The following PLXNA4 variants were observed in gnomAD, a reference collection of about 807,000 sequenced individuals.
PLXNA4 encodes plexin-A4.
Under a neutral mutation model 191.8 loss-of-function variants are expected in PLXNA4, and 44 were observed. That is an observed-to-expected ratio of 0.23 (90% CI 0.18 to 0.29). PLXNA4 has a LOEUF of 0.29. Ranked by LOEUF, PLXNA4 falls within the 10% of genes least tolerant of loss-of-function variation. PLXNA4 has a pLI of 1.00. For synonymous variants in PLXNA4, 1,082 were observed against 1,009.5 expected, an observed-to-expected ratio of 1.07 and a Z score of -1.36; for missense variants, 1,800 against 2,488.8, an observed-to-expected ratio of 0.72 and a Z score of 5.89.
intron 3 of PLXNA4, among the ~76,000 whole-genome samples, chr7:132,343,994 T>C (rs781430525): frequency 1.1e-4 from 16 of 152,138 alleles, no homozygotes; most frequent in South Asian, 2.1e-4. Flanking sequence ...AGCAAACACT[T>C]AGTTTAGACA....
In PLXNA4 at chr7:132,203,693, T is replaced by C. The variant is rs1170629528; in HGVS notation, c.2299-274A>G. ...TGTGGATGCCAGCTCAAGGAGCAGATGGGAGCAAGCCACTAGGTCATCTCC... is the reference window on the plus strand; with the variant it reads ...TGTGGATGCCAGCTCAAGGAGCAGACGGGAGCAAGCCACTAGGTCATCTCC... On this transcript the variant is annotated intron_variant, in intron 10 of 31. Coordinates refer to ENST00000321063, the MANE Select transcript of PLXNA4 (RefSeq NM_020911.2). 2.0e-5 allele frequency among the ~76,000 whole-genome samples: 3 copies of C among 152,292 alleles called. No homozygotes were observed. The East Asian group carries it at 5.8e-4, about 29-fold the overall frequency.
intron 3 of PLXNA4, among the ~76,000 whole-genome samples, chr7:132,481,184 C>T (rs1017565204): frequency 6.6e-6 from 1 of 152,008 alleles, no homozygotes; most frequent in African/African-American, 2.4e-5. Flanking sequence ...TAATCCATCC[C>T]AGGAAGATGG....
chr7:132,519,764 C>T (rs1278782551), intron 1 of PLXNA4, among the ~76,000 whole-genome samples: 2 of 152,196 alleles, frequency 1.3e-5, no homozygotes, highest in African/African-American at 4.8e-5. Context: ...GCCAGTGTCA[C>T]CCATAAAAGC....
intron 30 of PLXNA4, among the ~76,000 whole-genome samples, chr7:132,133,877 A>T (rs1219275471): frequency 1.3e-5 from 2 of 152,178 alleles, no homozygotes; most frequent in East Asian, 3.9e-4. Flanking sequence ...AAAGACAGCC[A>T]CTTCTCACCC....
intron 3 of PLXNA4, among the ~76,000 whole-genome samples, chr7:132,300,794 C>T (rs1483757905): frequency 2.0e-5 from 3 of 152,252 alleles, no homozygotes; most frequent in Non-Finnish European, 4.4e-5. Flanking sequence ...GGCTGGTCTC[C>T]AGCCCCCTCA....
chr7:132,509,160 AGAGGGAGGGAGGGAGG>A (rs530262352), intron 1 of PLXNA4, among the ~76,000 whole-genome samples: 1 of 124,194 alleles, frequency 8.1e-6, no homozygotes, highest in Non-Finnish European at 1.7e-5. Context: ...CTGGAGGAGA[AGAGGGAGGGAGGGAGG>A]GAGGGAGGGA....
At chr7:132,471,070 G>T (rs761509773) in intron 3 of PLXNA4, among the ~76,000 whole-genome samples, 1 of 152,148 alleles carries the variant, frequency 6.6e-6, no homozygotes, top group African/African-American at 2.4e-5. Flanking sequence ...AGTACCATCC[G>T]CTTGGTGCGG....
intron 3 of PLXNA4, among the ~76,000 whole-genome samples, chr7:132,440,981 T>A (rs1795678318): frequency 6.6e-6 from 1 of 152,226 alleles, no homozygotes; most frequent in Admixed American, 6.5e-5. Context: ...TATTTTCACA[T>A]TTTATTTGCT....
Position 132,508,882 on chromosome 7 carries a change from C to A in PLXNA4, c.-86-103G>T, listed in dbSNP as rs1798595732. The A allele has an allele frequency of 8.6e-6, 10 of 1,166,734 alleles. No individual in the cohort carries two copies. Among genetic ancestry groups the A allele is most frequent in the Middle Eastern group, 3.0e-4 (1 of 3,384 alleles). 72.3% of individuals were successfully genotyped at this position (1,166,734 alleles called of 1,614,324 possible). A position where few individuals can be genotyped will look rare whatever the true frequency, so the allele number is the denominator to read the frequency against. The stretch of plus-strand genomic sequence containing the variant: ...TTCAAAATGTTCTGCACACACTGAG[C>A]AGAACTGCACTGGGGGGTGCTGGAG... On this transcript the variant is annotated intron_variant, in intron 1 of 31. Transcript: ENST00000321063. This position sits in a 1 kb window ranked among gnomAD's most constrained non-coding sequence, Gnocchi z 4.4.
chr7:132,437,527 G>A (rs1264484340), intron 3 of PLXNA4, among the ~76,000 whole-genome samples: 1 of 150,402 alleles, frequency 6.6e-6, no homozygotes, highest in Non-Finnish European at 1.5e-5. Context: ...TGTGAAGCTC[G>A]GGATCACAAA....
intron 29 of PLXNA4, among the ~76,000 whole-genome samples, chr7:132,143,878 C>A (rs918338261): frequency 6.6e-6 from 1 of 152,212 alleles, no homozygotes; most frequent in African/African-American, 2.4e-5. Context: ...TGGGAGCAAA[C>A]CCCATGCTTT....
chr7:132,163,537 G>C (rs1217854109), intron 24 of PLXNA4, among the ~76,000 whole-genome samples: 1 of 152,236 alleles, frequency 6.6e-6, no homozygotes, highest in African/African-American at 2.4e-5. Flanking sequence ...GATCCCAAAG[G>C]CCATGCTCTT....
At chr7:132,475,170 T>C (rs1315668075) in intron 3 of PLXNA4, among the ~76,000 whole-genome samples, 3 of 152,070 alleles carry the variant, frequency 2.0e-5, no homozygotes. Context: ...GGCATGAAGA[T>C]TGCAGGAGTC....
At chr7:132,433,923 G>C (rs998607853) in intron 3 of PLXNA4, among the ~76,000 whole-genome samples, 1 of 152,170 alleles carries the variant, frequency 6.6e-6, no homozygotes, top group Non-Finnish European at 1.5e-5. Context: ...ACCAGGCTAA[G>C]GATTCACAGA....
chr7:132,359,686 T>C (rs539106035), intron 3 of PLXNA4, among the ~76,000 whole-genome samples: 5 of 152,338 alleles, frequency 3.3e-5, no homozygotes, highest in Admixed American at 2.0e-4. Flanking sequence ...CACATCTCAA[T>C]GTTCCTAAGT....
upstream of PLXNA4, among the ~76,000 whole-genome samples, chr7:132,578,751 C>T (rs1802344800): frequency 2.0e-5 from 3 of 152,202 alleles, no homozygotes; most frequent in Non-Finnish European, 2.9e-5. Context: ...TTCCAGGAGA[C>T]AGCGTGGAGC....
intron 3 of PLXNA4, among the ~76,000 whole-genome samples, chr7:132,437,426 G>A (rs903960227): frequency 6.6e-6 from 1 of 152,142 alleles, no homozygotes; most frequent in Non-Finnish European, 1.5e-5. Context: ...GCAAGCACGT[G>A]CACAGACACA....
intron 1 of PLXNA4, among the ~76,000 whole-genome samples, chr7:132,518,841 C>G (rs573040751): frequency 1.3e-5 from 2 of 152,174 alleles, no homozygotes; most frequent in South Asian, 4.1e-4. Flanking sequence ...GCCCTCCTTC[C>G]TTTCCCTCCC....
intron 3 of PLXNA4, among the ~76,000 whole-genome samples, chr7:132,324,094 A>G (rs1802274805): frequency 6.6e-6 from 1 of 152,160 alleles, no homozygotes; most frequent in Non-Finnish European, 1.5e-5. Flanking sequence ...CTATCTAAAA[A>G]CTTAGCAGAG....
Sources: gnomAD v4.1 joint callset for allele counts (sites outside exome capture counted in the v4.1 genomes callset) on GRCh38, gnomAD v4.1.1 for gene constraint, Gnocchi (gnomAD v3.1) non-coding constraint, MANE v1.5 for transcripts, NCBI Gene and HGNC (gene_info 2026-07-23, HGNC 2026-07-21) for gene names.